SPG7: variants seen among roughly 807,000 people sequenced by gnomAD.
SPG7 encodes SPG7 matrix AAA peptidase subunit, paraplegin, also known as mitochondrial inner membrane m-AAA protease component paraplegin.
In SPG7, 103 loss-of-function variants were observed where a neutral mutation model predicts 81.9. The ratio of observed to expected loss-of-function variants is 1.26; its 90% confidence interval spans 1.07 to 1.48. The LOEUF (loss-of-function observed/expected upper bound fraction) is 1.48, where lower values mean the gene tolerates loss of function less well. Among genes scored for constraint, SPG7 ranks in the 40% most tolerant of loss-of-function variants. The probability of loss-of-function intolerance (pLI) is 0.00; values close to 1 mark genes in which losing one functional copy is unlikely to be tolerated. For missense variants in SPG7, 1,241 were observed against 1,087.3 expected (o/e 1.14, Z -1.99); for synonymous variants, 534 against 444.2 (o/e 1.20, Z -2.54).
At chr16:89,545,785 T>TA in intron 10 of SPG7, 1 of 337,528 alleles carries the variant, frequency 3.0e-6, no homozygotes, top group East Asian at 9.7e-5. Flanking sequence ...TTTTGCAGAA[T>TA]AAGCATTTGC....
chr16:89,534,763 G>A (rs1329826790), intron 9 of SPG7, among the ~76,000 whole-genome samples: 1 of 152,232 alleles, frequency 6.6e-6, no homozygotes, highest in Non-Finnish European at 1.5e-5. Context: ...GCTCCCTGAA[G>A]GCTGACTGTG....
intron 2 of SPG7, among the ~76,000 whole-genome samples, chr16:89,510,981 C>G (rs985758972): frequency 6.6e-6 from 1 of 152,178 alleles, no homozygotes; most frequent in Admixed American, 6.5e-5. Flanking sequence ...TCCAGGCACA[C>G]ACCAAAGCGC....
chr16:89,525,028 C>T (rs926624452), intron 4 of SPG7, among the ~76,000 whole-genome samples: 9 of 133,512 alleles, frequency 6.7e-5, no homozygotes, highest in African/African-American at 2.5e-4. Flanking sequence ...TGTGTGATGT[C>T]GGCTCACTGC....
intron 9 of SPG7, among the ~76,000 whole-genome samples, chr16:89,534,317 T>G (rs911967343): frequency 1.3e-5 from 2 of 152,224 alleles, no homozygotes; most frequent in Non-Finnish European, 2.9e-5. Context: ...CCACCTGTAC[T>G]GGGCACGTGT....
At position 89,557,208 on chromosome 16, in the gene SPG7, T is replaced by A; in HGVS notation, c.*115T>A. ...TCCTCTCGCGGCCCTCAGTAGTCCC[T>A]GCACAGTGACTTCTGAGATCTGTTG... On this transcript the variant is annotated 3_prime_UTR_variant, in exon 17 of 17. Transcript: ENST00000645818. 1.4e-6 allele frequency: 1 copy of A among 695,436 alleles called. No homozygotes were observed. Among genetic ancestry groups the A allele is most frequent in the South Asian group, 1.6e-5 (1 of 61,660 alleles). 43.1% of individuals were successfully genotyped at this position (695,436 alleles called of 1,614,324 possible).
At chr16:89,523,663 C>T in intron 3 of SPG7, 1 of 472,044 alleles carries the variant, frequency 2.1e-6, no homozygotes, top group Non-Finnish European at 4.2e-6. Context: ...CTCACTGCAG[C>T]TTCAACCTCC....
rs752843742 is a variant in SPG7, at chr16:89,524,223, TG to T, written c.596del (p.Gly199GlufsTer10). ...ACGTGGTGGAAGTCTACCTGCACCC[TG>T]GAGCCGTGGTGTTTGGGCGGCCTGT... ...SDVVEVYLHP[G>X]AVVFGRPRLA... On this transcript the variant is annotated frameshift_variant, in exon 4 of 17. Coordinates refer to ENST00000645818, the MANE Select transcript of SPG7 (RefSeq NM_003119.4). LOFTEE classifies it high-confidence loss of function. 8.1e-6 allele frequency: 13 copies of T among 1,611,910 alleles called. No individual in the cohort carries two copies. The African/African-American group carries it at 1.6e-4, about 20-fold the overall frequency.
chr16:89,546,485 C>G (rs916606145), intron 10 of SPG7, 173 bp from the exon 11 acceptor site: 20 of 643,294 alleles, frequency 3.1e-5, no homozygotes, highest in Non-Finnish European at 5.7e-5. Flanking sequence ...CGAGACCAGC[C>G]TAGCCAACTT....
chr16:89,515,352 C>T (rs1269121160), intron 3 of SPG7, among the ~76,000 whole-genome samples: 1 of 151,098 alleles, frequency 6.6e-6, no homozygotes, highest in Non-Finnish European at 1.5e-5. Context: ...CAGTGCAACC[C>T]CTGCCTCCTG....
Position 89,550,550 on chromosome 16 carries a change from CATG to C in SPG7, c.1722_1724del (p.His574_Glu575delinsGln). 6.2e-7 allele frequency: 1 copy of C among 1,614,078 alleles called. No homozygotes were observed. Among genetic ancestry groups the C allele is most frequent in the Non-Finnish European group, 8.5e-7 (1 of 1,180,022 alleles). On this transcript the variant is annotated inframe_deletion, in exon 13 of 17. Transcript: ENST00000645818. ...GGAAGAACAGAAAGTGGTTGCGTTT[CATG>C]AGTCGGGCCACGCCTTGGTGGGCTG...
intron 9 of SPG7, chr16:89,540,380 A>G (rs1335416978): frequency 1.3e-5 from 2 of 152,036 alleles, no homozygotes; most frequent in African/African-American, 4.8e-5. Flanking sequence ...TTAGCCCGGG[A>G]GTTTGAAACC....
At chr16:89,548,389 A>C (rs1194455451) in intron 12 of SPG7, 1 of 442,844 alleles carries the variant, frequency 2.3e-6, no homozygotes. Flanking sequence ...AATGCCCCCC[A>C]AAAATAAAAA....
intron 9 of SPG7, chr16:89,543,849 A>G (rs1360695430): frequency 6.7e-6 from 1 of 148,196 alleles, no homozygotes; most frequent in East Asian, 2.0e-4. Flanking sequence ...GGGTTTCACC[A>G]TTTTGGCCAG....
At chr16:89,525,268 T>A (rs998123659) in intron 4 of SPG7, among the ~76,000 whole-genome samples, 1 of 152,252 alleles carries the variant, frequency 6.6e-6, no homozygotes, top group Non-Finnish European at 1.5e-5. Flanking sequence ...CGCCTGGCGC[T>A]GTCTTGCTAT....
intron 3 of SPG7, chr16:89,523,233 C>T (rs573169796): frequency 5.4e-5 from 11 of 204,300 alleles, no homozygotes; most frequent in Admixed American, 1.6e-4. Flanking sequence ...GAGTATATGC[C>T]TTTAGACTCA....
chr16:89,550,638 GGCCTT>G (rs769208164), intron 13 of SPG7, 29 bp downstream of exon 13: 71 of 1,529,434 alleles, frequency 4.6e-5, no homozygotes, highest in Admixed American at 2.7e-4. Context: ...CGGCTCCACG[GGCCTT>G]GGCCAAAGGT....
chr16:89,508,992 G>C (rs2057974104), intron 1 of SPG7: 1 of 477,258 alleles, frequency 2.1e-6, no homozygotes, highest in Admixed American at 2.3e-5. Context: ...TCCAGTTAGG[G>C]TGGTTATTGC....
At position 89,512,975 on chromosome 16, in the gene SPG7, G is replaced by C; in HGVS notation, c.314G>C (p.Arg105Thr). 1 of 1,613,350 alleles carries C rather than the reference G, an allele frequency of 6.2e-7. No homozygotes were observed. The highest frequency in any genetic ancestry group is 8.5e-7 in the Non-Finnish European group (1 of 1,179,424). Reference sequence around the variant, plus strand: ...GGTACTTTCTATTTTAACACCTCAAGGTTGAAGCAGAAGAATAAGGAGAAG... The same window carrying C: ...GGTACTTTCTATTTTAACACCTCAACGTTGAAGCAGAAGAATAAGGAGAAG... ...LGGTFYFNTS[R>T]LKQKNKEKDK... Residue 105 changes from arginine (R) to threonine (T), a missense_variant, in exon 3 of 17, where the codon AGG becomes ACG. Physicochemically the swap from Arg to Thr is moderately conservative, Grantham distance 71 (BLOSUM62 -1). Transcript: ENST00000645818.
intron 9 of SPG7, chr16:89,537,517 GAA>G: frequency 1.0e-6 from 1 of 992,330 alleles, no homozygotes; most frequent in South Asian, 4.5e-5. Flanking sequence ...AGGCTGCTGT[GAA>G]CATTTTATGC....
Sources: allele counts gnomAD v4.1 joint callset (sites outside exome capture counted in the v4.1 genomes callset), GRCh38; gene constraint gnomAD v4.1.1; transcripts MANE v1.5; gene names NCBI Gene and HGNC (gene_info 2026-07-23, HGNC 2026-07-21).